The following SLC2A9 variants were observed in gnomAD, a reference collection of about 807,000 sequenced individuals.
SLC2A9 encodes the protein solute carrier family 2, facilitated glucose transporter member 9.
Under a neutral mutation model 50.6 loss-of-function variants are expected in SLC2A9, and 39 were observed. The ratio of observed to expected loss-of-function variants is 0.77; its 90% CI spans 0.60 to 1.01. The LOEUF is 1.01. SLC2A9 is among the 50% of genes least tolerant of loss of function. The pLI is 0.00. For synonymous variants in SLC2A9, 324 were observed against 276.9 expected, an observed-to-expected ratio of 1.17 and a Z score of -1.69; for missense variants, 686 against 677.6, an observed-to-expected ratio of 1.01 and a Z score of -0.14.
At chr4:9,916,400 T>C (rs1742852913) in intron 7 of SLC2A9, among the ~76,000 whole-genome samples, 1 of 152,188 alleles carries the variant, frequency 6.6e-6, no homozygotes, top group South Asian at 2.1e-4. Flanking sequence ...TACATCTATT[T>C]CTAACACACT....
In SLC2A9 at chr4:9,950,175, T is replaced by C. The variant is rs189702791; in HGVS notation, c.682-8130A>G. Among the ~76,000 whole-genome samples the C allele has an allele frequency of 1.4e-3, 211 of 152,348 alleles. 2 individuals are homozygous for C. Among genetic ancestry groups the C allele is most frequent in the African/African-American group, 4.9e-3 (202 of 41,584 alleles). ...ATTCATTGCAGCAAATATGTTGTTCTAGAATTGCTATTTTTGGTGCGCATT... is the reference window on the plus strand; with the variant it reads ...ATTCATTGCAGCAAATATGTTGTTCCAGAATTGCTATTTTTGGTGCGCATT... On this transcript the variant is annotated intron_variant, in intron 5 of 11. Transcript: ENST00000264784.
intron 10 of SLC2A9, among the ~76,000 whole-genome samples, chr4:9,862,333 C>T (rs934286604): frequency 7.9e-5 from 12 of 152,088 alleles, no homozygotes; most frequent in African/African-American, 2.2e-4. Flanking sequence ...AGAGACTCAA[C>T]GTTCTTTTCC....
chr4:9,976,107 G>T (rs1310045270), intron 5 of SLC2A9, among the ~76,000 whole-genome samples: 1 of 152,182 alleles, frequency 6.6e-6, no homozygotes, highest in Non-Finnish European at 1.5e-5. Flanking sequence ...ATAGATGGAG[G>T]GGAGGGATAG....
At chr4:9,830,864 G>A (rs1188128383) in intron 11 of SLC2A9, among the ~76,000 whole-genome samples, 5 of 152,186 alleles carry the variant, frequency 3.3e-5, no homozygotes, top group Non-Finnish European at 5.9e-5. Context: ...AGCATGAAGG[G>A]ATGTGGGCTC....
At chr4:10,019,164 C>G (rs1342894099) in intron 1 of SLC2A9, 91 bp from the exon 2 acceptor site, 9 of 1,041,662 alleles carry the variant, frequency 8.6e-6, no homozygotes, top group South Asian at 4.1e-5. Flanking sequence ...CTGGGGGAGG[C>G]CTTCCGGAGG....
At chr4:9,973,360 G>T (rs980668477) in intron 5 of SLC2A9, among the ~76,000 whole-genome samples, 1 of 152,142 alleles carries the variant, frequency 6.6e-6, no homozygotes, top group East Asian at 1.9e-4. Context: ...AATTCTATTA[G>T]ATGTACAAAG....
At chr4:9,912,149 G>A (rs1741947832) in intron 7 of SLC2A9, among the ~76,000 whole-genome samples, 1 of 152,168 alleles carries the variant, frequency 6.6e-6, no homozygotes, top group Non-Finnish European at 1.5e-5. Flanking sequence ...CTGGGGTGGG[G>A]GGAGCGGGGA....
intron 10 of SLC2A9, among the ~76,000 whole-genome samples, chr4:9,849,348 T>C (rs1180676507): frequency 6.6e-6 from 1 of 152,134 alleles, no homozygotes; most frequent in East Asian, 1.9e-4. Context: ...GGGAAGTTGT[T>C]TGTGAAAAGA....
At chr4:9,876,129 C>T (rs1734281372) in intron 10 of SLC2A9, among the ~76,000 whole-genome samples, 1 of 152,170 alleles carries the variant, frequency 6.6e-6, no homozygotes, top group Non-Finnish European at 1.5e-5. Flanking sequence ...CTTAGCCCTA[C>T]CTGATGAAAT....
intron 9 of SLC2A9, among the ~76,000 whole-genome samples, chr4:9,890,345 G>A (rs1454913454): frequency 1.3e-5 from 2 of 152,178 alleles, no homozygotes; most frequent in South Asian, 2.1e-4. Context: ...GAGATGGAAA[G>A]TGTCTTGCCC....
At chr4:9,827,849 T>C (rs1480436036) in intron 11 of SLC2A9, among the ~76,000 whole-genome samples, 1 of 152,226 alleles carries the variant, frequency 6.6e-6, no homozygotes, top group Non-Finnish European at 1.5e-5. Flanking sequence ...GGGATTCAAA[T>C]CCTGATCCCA....
chr4:10,010,774 C>T (rs969357472), intron 2 of SLC2A9, among the ~76,000 whole-genome samples: 1 of 152,216 alleles, frequency 6.6e-6, no homozygotes, highest in African/African-American at 2.4e-5. Flanking sequence ...TGAACTGTCC[C>T]GCCCACCTCA....
At chr4:10,039,625 T>G (rs191252712) in intron 1 of SLC2A9, among the ~76,000 whole-genome samples, 90 of 152,240 alleles carry the variant, frequency 5.9e-4, no homozygotes, top group Non-Finnish European at 9.0e-4. Flanking sequence ...CTGAAGATGG[T>G]TCTAACTTGG....
chr4:9,849,033 G>A (rs186378621), intron 10 of SLC2A9, among the ~76,000 whole-genome samples: 1 of 152,312 alleles, frequency 6.6e-6, no homozygotes, highest in Admixed American at 6.5e-5. Context: ...GGAGATGGAG[G>A]GCTAACCAGG....
chr4:9,846,949 A>G (rs1422677169), intron 10 of SLC2A9, among the ~76,000 whole-genome samples: 1 of 152,198 alleles, frequency 6.6e-6, no homozygotes, highest in Non-Finnish European at 1.5e-5. Flanking sequence ...CTTAGTCACC[A>G]GGTTTAACCC....
At chr4:9,983,963 T>C (rs1183731590) in intron 4 of SLC2A9, among the ~76,000 whole-genome samples, 1 of 152,032 alleles carries the variant, frequency 6.6e-6, no homozygotes, top group Non-Finnish European at 1.5e-5. Flanking sequence ...ATTTGTAAAA[T>C]GAACATGAGA....
At chr4:10,033,639 G>A (rs901416226) in intron 1 of SLC2A9, among the ~76,000 whole-genome samples, 4 of 152,318 alleles carry the variant, frequency 2.6e-5, no homozygotes, top group South Asian at 2.1e-4. Context: ...GCAGACTTCC[G>A]TGTTAGTTAC....
chr4:9,936,443 C>T (rs1336499867), intron 6 of SLC2A9, among the ~76,000 whole-genome samples: 1 of 152,180 alleles, frequency 6.6e-6, no homozygotes, highest in Non-Finnish European at 1.5e-5. Flanking sequence ...TGCTGTGACA[C>T]ACAGTAGGCC....
At chr4:9,915,408 T>C (rs1742685961) in intron 7 of SLC2A9, among the ~76,000 whole-genome samples, 1 of 152,174 alleles carries the variant, frequency 6.6e-6, no homozygotes, top group African/African-American at 2.4e-5. Flanking sequence ...CAGCTAATTT[T>C]CTATTTTTAG....
Sources: gnomAD v4.1 joint callset for allele counts (sites outside exome capture counted in the v4.1 genomes callset) on GRCh38, gnomAD v4.1.1 for gene constraint, MANE v1.5 for transcripts, NCBI Gene and HGNC (gene_info 2026-07-23, HGNC 2026-07-21) for gene names.